ANKLE2: variants seen among roughly 807,000 people sequenced by gnomAD.
The protein encoded by ANKLE2 is ankyrin repeat and LEM domain containing 2, also known as ankyrin repeat and LEM domain-containing protein 2.
In ANKLE2, 55 loss-of-function variants were observed where a neutral mutation model predicts 84.2. That is an observed-to-expected ratio of 0.65 (90% CI 0.53 to 0.82). The LOEUF (loss-of-function observed/expected upper bound fraction) is 0.82, where lower values mean the gene tolerates loss of function less well. Ranked by LOEUF, ANKLE2 falls within the 40% of genes least tolerant of loss-of-function variation. ANKLE2 has a pLI of 0.00. For missense variants in ANKLE2, 1,238 were observed against 1,201.9 expected (o/e 1.03, Z -0.44); for synonymous variants, 551 against 486.1 (o/e 1.13, Z -1.76).
chr12:132,745,722 C>T (rs1740468715), intron 5 of ANKLE2: 3 of 185,678 alleles, frequency 1.6e-5, no homozygotes, highest in Middle Eastern at 6.2e-4. Flanking sequence ...CAGGGAGGGG[C>T]GACGAGCCCG....
chr12:132,730,504 G>A (rs2043819337), intron 10 of ANKLE2: 1 of 518,110 alleles, frequency 1.9e-6, no homozygotes, highest in African/African-American at 1.9e-5. Context: ...CCTGGAAAAG[G>A]GCAAACAGGA....
At chr12:132,755,208 T>TAC (rs2044454037) in intron 1 of ANKLE2, 75 bp from the exon 2 acceptor site, 2 of 1,316,526 alleles carry the variant, frequency 1.5e-6, no homozygotes, top group African/African-American at 3.0e-5. Flanking sequence ...GGTACTAGGG[T>TAC]TCATTATATA....
intron 6 of ANKLE2, chr12:132,742,121 C>G (rs930908379): frequency 3.1e-5 from 8 of 259,266 alleles, no homozygotes; most frequent in African/African-American, 1.9e-4. Context: ...AAGTCAAATG[C>G]TTTTTAAAAT....
intron 10 of ANKLE2, chr12:132,734,088 T>C (rs748988017): frequency 1.5e-5 from 7 of 475,040 alleles, no homozygotes; most frequent in Admixed American, 2.5e-5. Flanking sequence ...AAAAAAAAAA[T>C]ACGAAAATTA....
In ANKLE2 at chr12:132,734,514, CA is replaced by C; in HGVS notation, c.1761del (p.Phe587LeufsTer13). ...AGGCCTTCCTGGGAAGACAGATCAACAAAACAGCCCAGAAATTCCCAGTATT... is the reference window on the plus strand; with the variant it reads ...AGGCCTTCCTGGGAAGACAGATCAACAAACAGCCCAGAAATTCCCAGTATT... ...WVEYWEFLGCFVDLSSQEGLQ... is the reference protein window; with the variant it reads ...WVEYWEFLGCXVDLSSQEGLQ... On this transcript the variant is annotated frameshift_variant, in exon 10 of 13. Transcript: ENST00000357997. LOFTEE classifies it high-confidence loss of function. The C allele has an allele frequency of 6.2e-7, 1 of 1,614,084 alleles. No homozygotes were observed. Among genetic ancestry groups the C allele is most frequent in the Non-Finnish European group, 8.5e-7 (1 of 1,180,008 alleles).
intron 7 of ANKLE2, among the ~76,000 whole-genome samples, chr12:132,739,891 G>A (rs534199312): frequency 1.3e-5 from 2 of 151,954 alleles, no homozygotes; most frequent in East Asian, 3.9e-4. Flanking sequence ...GAGGTGCCGT[G>A]TAGCTCAGCC....
chr12:132,735,622 C>T, intron 8 of ANKLE2, 110 bp from the exon 9 acceptor site: 2 of 788,324 alleles, frequency 2.5e-6, no homozygotes, highest in Admixed American at 2.5e-5. Flanking sequence ...GCACACCCTT[C>T]CTTCTCTCCC....
rs938383950 is a variant in ANKLE2 at position 132,726,194 on chromosome 12, A to C, written c.*1048T>G. 3.9e-5 allele frequency: 6 copies of C among 153,506 alleles called. No individual in the cohort carries two copies. Among genetic ancestry groups the C allele is most frequent in the Non-Finnish European group, 7.3e-5 (5 of 68,252 alleles). 9.5% of individuals were successfully genotyped at this position (153,506 alleles called of 1,614,324 possible). A position where few individuals can be genotyped will look rare whatever the true frequency, so the allele number is the denominator to read the frequency against. On this transcript the variant is annotated 3_prime_UTR_variant, in exon 13 of 13. Coordinates refer to ENST00000357997, the MANE Select transcript of ANKLE2 (RefSeq NM_015114.3). ...CAGTTGCCCGTAACACCCAGGAAGA[A>C]ACCGACCTCCAGGCAGCACCTCCTG...
chr12:132,745,507 C>T (rs2044218015), intron 5 of ANKLE2: 1 of 152,826 alleles, frequency 6.5e-6, no homozygotes, highest in Non-Finnish European at 1.5e-5. Context: ...CTGCAAGACT[C>T]AGGAAATGCT....
Position 132,728,031 on chromosome 12 carries a change from CCT to C in ANKLE2, c.2614_2615del (p.Ser872LeufsTer62), listed in dbSNP as rs1357479086. On this transcript the variant is annotated frameshift_variant and splice_region_variant, in exon 12 of 13. Coordinates refer to ENST00000357997, the MANE Select transcript of ANKLE2 (RefSeq NM_015114.3). LOFTEE classifies it low-confidence loss of function (END_TRUNC). Reference sequence around the variant, plus strand: ...TGACAGGCTGTCCGGGCCCCACATACCTCTGTCTGTCCGAGGGTGAGTAGCAC... The same window carrying C: ...TGACAGGCTGTCCGGGCCCCACATACCTGTCTGTCCGAGGGTGAGTAGCAC... The part of the protein sequence containing the change: ...VLCYSPSDRQ[S>X]WPSPAVKGRF... 6 of 1,599,398 alleles carry C rather than the reference CCT, an allele frequency of 3.8e-6. No individual in the cohort carries two copies. Among genetic ancestry groups the C allele is most frequent in the African/African-American group, 2.7e-5 (2 of 73,970 alleles).
intron 5 of ANKLE2, among the ~76,000 whole-genome samples, chr12:132,744,767 G>A (rs531902570): frequency 2.6e-5 from 4 of 152,134 alleles, no homozygotes; most frequent in African/African-American, 7.2e-5. Context: ...TGCAAGCTCC[G>A]CCTCCCGGGT....
chr12:132,761,739 GC>G lies in ANKLE2; in HGVS notation c.59del (p.Gly20AlafsTer6). 1.5e-6 allele frequency: 2 copies of G among 1,306,982 alleles called. No individual in the cohort carries two copies. Among genetic ancestry groups the G allele is most frequent in the South Asian group, 2.0e-5 (1 of 50,824 alleles). The allele number at this position is 1,306,982 out of a possible 1,614,324, so 81.0% of individuals were successfully genotyped here. On this transcript the variant is annotated frameshift_variant, in exon 1 of 13. Coordinates refer to ENST00000357997, the MANE Select transcript of ANKLE2 (RefSeq NM_015114.3). LOFTEE classifies it high-confidence loss of function. ...GCACAGCGATCAGCAGCACCGAGGC[GC>G]CCAGCAGCTCCCAGGCCAGCGCCGC... ...EWAALAWELL[G>X]ASVLLIAVRW...
intron 10 of ANKLE2, among the ~76,000 whole-genome samples, chr12:132,732,518 C>T (rs113918563): frequency 7.1e-3 from 992 of 139,750 alleles, no homozygotes; most frequent in African/African-American, 0.025. Context: ...GTCTGATACG[C>T]ACCGTGTGAA....
At position 132,729,976 on chromosome 12, in the gene ANKLE2, A is replaced by T. The variant is rs777195065; in HGVS notation, c.2186T>A (p.Val729Asp). 1 of 1,613,364 alleles carries T rather than the reference A, an allele frequency of 6.2e-7. No homozygotes were observed. The highest frequency in any genetic ancestry group is 2.2e-5 in the East Asian group (1 of 44,854). ...PRGEEAHLPP[V>D]SDLTVEFDKL... ...ATCAAACTCAACAGTCAAATCCGAGACAGGTGGCAGATGGGCTTCCTCCCC... is the reference window on the plus strand; with the variant it reads ...ATCAAACTCAACAGTCAAATCCGAGTCAGGTGGCAGATGGGCTTCCTCCCC... The change falls in exon 11 of 13, where the codon GTC becomes GAC. Residue 729 changes from valine to aspartate, a missense_variant. By Grantham distance (152) the Val-to-Asp change is radical. Transcript: ENST00000357997.
chr12:132,761,542 G>A (rs1247393949), intron 1 of ANKLE2, 76 bp downstream of exon 1: 20 of 1,138,602 alleles, frequency 1.8e-5, no homozygotes, highest in Admixed American at 1.3e-4. Context: ...GCGCGGCCGG[G>A]ACCCCAGGCC....
intron 1 of ANKLE2, 74 bp downstream of exon 1, chr12:132,761,544 C>T (rs1182665209): frequency 8.7e-7 from 1 of 1,149,608 alleles, no homozygotes; most frequent in Non-Finnish European, 1.1e-6. Context: ...GCGGCCGGGA[C>T]CCCAGGCCCG....
intron 1 of ANKLE2, chr12:132,756,581 T>C (rs865809627): frequency 6.6e-6 from 1 of 151,502 alleles, no homozygotes; most frequent in South Asian, 2.1e-4. Flanking sequence ...TACATCTGAA[T>C]TTAAGTTTCT....
Position 132,747,813 on chromosome 12 carries a change from G to A in ANKLE2, c.1230+19C>T. On this transcript the variant is annotated intron_variant, in intron 5 of 12. Transcript: ENST00000357997. The stretch of plus-strand genomic sequence containing the variant: ...AACCAATTAAATAAAGAAAGCGTGA[G>A]TGGAGGGTGTGCACGCACCATCTTG... 2 of 1,578,258 alleles carry A rather than the reference G, an allele frequency of 1.3e-6. No homozygotes were observed. The highest frequency in any genetic ancestry group is 1.7e-6 in the Non-Finnish European group (2 of 1,171,362).
Position 132,734,369 on chromosome 12 carries a change from G to A in ANKLE2, c.1891+16C>T, listed in dbSNP as rs770542071. On this transcript the variant is annotated intron_variant, in intron 10 of 12. Transcript: ENST00000357997. ...GGCCCCTCCCAGCTGCCACAGCCAC[G>A]CCTGCACATGCTTACCAGACGTGGT... 9.9e-6 allele frequency: 16 copies of A among 1,612,610 alleles called. No homozygotes were observed. Among genetic ancestry groups the A allele is most frequent in the Non-Finnish European group, 1.3e-5 (15 of 1,179,570 alleles).
Sources: gnomAD v4.1 joint callset for allele counts (sites outside exome capture counted in the v4.1 genomes callset) on GRCh38, gnomAD v4.1.1 for gene constraint, MANE v1.5 for transcripts, NCBI Gene and HGNC (gene_info 2026-07-23, HGNC 2026-07-21) for gene names.